The following MAP2 variants were observed in gnomAD, a reference collection of about 807,000 sequenced individuals.
The protein encoded by MAP2 is microtubule-associated protein 2.
A neutral mutation model predicts 137.6 loss-of-function variants in MAP2; 14 were observed. The ratio of observed to expected loss-of-function variants is 0.10; its 90% CI spans 0.07 to 0.16. The LOEUF (loss-of-function observed/expected upper bound fraction) is 0.16, where lower values mean the gene tolerates loss of function less well. MAP2 is among the 10% of genes least tolerant of loss of function. The probability of loss-of-function intolerance (pLI) is 1.00; values close to 1 mark genes in which losing one functional copy is unlikely to be tolerated. For synonymous variants in MAP2, 786 were observed against 782.3 expected (o/e 1.00, Z -0.08); for missense variants, 2,088 against 2,191.5 (o/e 0.95, Z 0.94).
At chr2:209,544,056 T>C (rs757679765) in intron 2 of MAP2, among the ~76,000 whole-genome samples, 192 of 152,172 alleles carry the variant, frequency 1.3e-3, no homozygotes, top group Middle Eastern at 3.4e-3. Context: ...GATGAAACCC[T>C]GTCTCTACTA....
intron 1 of MAP2, among the ~76,000 whole-genome samples, chr2:209,507,340 G>A (rs990822456): frequency 6.6e-6 from 1 of 151,980 alleles, no homozygotes; most frequent in Non-Finnish European, 1.5e-5. Context: ...CTTTAAATAA[G>A]TATAAAATAA....
chr2:209,691,557 AT>A (rs1356786482), intron 7 of MAP2, among the ~76,000 whole-genome samples: 3 of 152,266 alleles, frequency 2.0e-5, no homozygotes, highest in African/African-American at 7.2e-5. Context: ...GAATTTTATT[AT>A]TTTTCCCCAA....
intron 7 of MAP2, among the ~76,000 whole-genome samples, chr2:209,688,277 A>G (rs1259151861): frequency 6.6e-6 from 1 of 152,200 alleles, no homozygotes; most frequent in Non-Finnish European, 1.5e-5. Context: ...CTCCCTGCCA[A>G]TAATCAGCTG....
At chr2:209,682,037 G>A (rs2054811181) in intron 7 of MAP2, among the ~76,000 whole-genome samples, 1 of 151,990 alleles carries the variant, frequency 6.6e-6, no homozygotes, top group Admixed American at 6.6e-5. Context: ...GTGCATAGCA[G>A]CCACTGATTA....
chr2:209,591,847 G>A (rs1315232772), intron 3 of MAP2, among the ~76,000 whole-genome samples: 1 of 151,822 alleles, frequency 6.6e-6, no homozygotes, highest in Non-Finnish European at 1.5e-5. Flanking sequence ...TATTTGTTAG[G>A]TTATTATAAT....
chr2:209,455,755 A>G (rs970438903), intron 1 of MAP2, among the ~76,000 whole-genome samples: 4 of 152,116 alleles, frequency 2.6e-5, no homozygotes, highest in Non-Finnish European at 5.9e-5. Flanking sequence ...TGAGGAATGG[A>G]TGTCTTGCTT....
intron 5 of MAP2, chr2:209,661,503 A>C (rs1053502301): frequency 1.0e-6 from 1 of 985,236 alleles, no homozygotes; most frequent in African/African-American, 1.7e-5. Flanking sequence ...TTTAGCATTC[A>C]AGGGTGGATC....
Position 209,733,104 on chromosome 2 carries a change from A to G in MAP2, c.*2707A>G, listed in dbSNP as rs1417311075. The stretch of plus-strand genomic sequence containing the variant: ...GTCTCAATTCTAGATCTACTATGCC[A>G]GTTTCTCTCTGGCTTTAGCCTTTGA... On this transcript the variant is annotated 3_prime_UTR_variant, in exon 16 of 16. Transcript: ENST00000682079. The G allele has an allele frequency of 6.6e-6, 1 of 152,620 alleles. No homozygotes were observed. Among genetic ancestry groups the G allele is most frequent in the East Asian group, 1.9e-4 (1 of 5,198 alleles). 9.5% of individuals were successfully genotyped at this position (152,620 alleles called of 1,614,324 possible). A position where few individuals can be genotyped will look rare whatever the true frequency, so the allele number is the denominator to read the frequency against.
chr2:209,693,441 A>G lies in MAP2; in HGVS notation c.1271A>G (p.Asp424Gly), dbSNP rs563383203. The G allele has an allele frequency of 2.5e-6, 4 of 1,613,996 alleles. No individual in the cohort carries two copies. Among genetic ancestry groups the G allele is most frequent in the East Asian group, 2.2e-5 (1 of 44,862 alleles). ...AINQETVQQR[D>G]TFTPSGQEPI... ...AATCAAGAGACTGTGCAGCAAAGGGATACTTTCACCCCCAGTGGACAGGAA... is the reference window on the plus strand; with the variant it reads ...AATCAAGAGACTGTGCAGCAAAGGGGTACTTTCACCCCCAGTGGACAGGAA... The change falls in exon 8 of 16, where the codon GAT becomes GGT. Residue 424 changes from aspartate (D) to glycine (G), a missense_variant. Physicochemically the swap from Asp to Gly is moderately conservative, Grantham distance 94. Transcript: ENST00000682079.
chr2:209,597,831 G>C (rs1386719267), intron 3 of MAP2, among the ~76,000 whole-genome samples: 1 of 151,554 alleles, frequency 6.6e-6, no homozygotes, highest in Non-Finnish European at 1.5e-5. Flanking sequence ...GCTTACTGAA[G>C]TCCTGCTTAT....
chr2:209,692,533 C>T, intron 7 of MAP2, 92 bp from the exon 8 acceptor site: 2 of 1,395,766 alleles, frequency 1.4e-6, no homozygotes, highest in Non-Finnish European at 1.9e-6. Context: ...TTTTATTCTA[C>T]CATTCATTTA....
intron 1 of MAP2, among the ~76,000 whole-genome samples, chr2:209,434,515 A>G (rs1695173691): frequency 6.6e-6 from 1 of 151,700 alleles, no homozygotes; most frequent in Non-Finnish European, 1.5e-5. Flanking sequence ...CATTTGATAT[A>G]AGGATCTTCC....
At position 209,440,078 on chromosome 2, in the gene MAP2, A is replaced by C. The variant is rs549497874; in HGVS notation, c.-222+15802A>C. Among the ~76,000 whole-genome samples, 9 of 151,512 alleles carry C rather than the reference A, an allele frequency of 5.9e-5. 1 individual carries two copies. The South Asian group carries it at 1.9e-3, about 31-fold the overall frequency. On this transcript the variant is annotated intron_variant, in intron 1 of 15. Coordinates refer to ENST00000682079, the MANE Select transcript of MAP2 (RefSeq NM_001375505.1). Reference sequence around the variant, plus strand: ...AATATTTATCCTTGAAACATTCACTAATTTCAGTTTTGAAGTTGTGAACAA... The same window carrying C: ...AATATTTATCCTTGAAACATTCACTCATTTCAGTTTTGAAGTTGTGAACAA...
chr2:209,528,803 CATATGTATGTAT>C (rs1379276969), intron 2 of MAP2, among the ~76,000 whole-genome samples: 1 of 148,804 alleles, frequency 6.7e-6, no homozygotes, highest in Admixed American at 6.7e-5. Flanking sequence ...TGTACATGTA[CATATGTATGTAT>C]ATATGTATAT....
intron 2 of MAP2, among the ~76,000 whole-genome samples, chr2:209,511,659 C>G (rs983500749): frequency 1.3e-5 from 2 of 152,094 alleles, no homozygotes; most frequent in Non-Finnish European, 2.9e-5. Flanking sequence ...GCAGCCTCAA[C>G]CCTTGGGCTC....
chr2:209,600,742 T>C (rs1324191440), intron 3 of MAP2, among the ~76,000 whole-genome samples: 2 of 152,194 alleles, frequency 1.3e-5, no homozygotes, highest in Non-Finnish European at 2.9e-5. Flanking sequence ...GTGAGTGAGC[T>C]GGGAGTCAGC....
rs536220767 is a variant in MAP2 at position 209,696,528 on chromosome 2, G to T, written c.4181-14G>T. 2.5e-6 allele frequency: 4 copies of T among 1,593,546 alleles called. No individual in the cohort carries two copies. In the African/African-American group the frequency reaches 4.1e-5, roughly 16 times the overall value. On this transcript the variant is annotated splice_polypyrimidine_tract_variant and intron_variant, in intron 8 of 15. Transcript: ENST00000682079. ...ACTGTTGTTGTTGTTGTCATGATTT[G>T]CTTTGATCCACAGATGATGATAGGA...
At chr2:209,523,389 C>T (rs200456432) in intron 2 of MAP2, among the ~76,000 whole-genome samples, 1 of 152,150 alleles carries the variant, frequency 6.6e-6, no homozygotes, top group Non-Finnish European at 1.5e-5. Context: ...CCCACATTCA[C>T]TCTTACTCTC....
intron 2 of MAP2, among the ~76,000 whole-genome samples, chr2:209,562,249 A>G (rs1186458819): frequency 2.0e-5 from 3 of 152,344 alleles, no homozygotes; most frequent in Non-Finnish European, 2.9e-5. Flanking sequence ...TTTGGGATTT[A>G]TCATAATGCC....
Sources: gnomAD v4.1 joint callset for allele counts (sites outside exome capture counted in the v4.1 genomes callset) on GRCh38, gnomAD v4.1.1 for gene constraint, MANE v1.5 for transcripts, NCBI Gene and HGNC (gene_info 2026-07-23, HGNC 2026-07-21) for gene names.